Variants in RGL1 observed in about 807,000 individuals in gnomAD.
RGL1 encodes ral guanine nucleotide dissociation stimulator like 1.
In RGL1, 24 loss-of-function variants were observed where a neutral mutation model predicts 95.2. That is an observed-to-expected ratio of 0.25 (90% CI 0.18 to 0.35). The LOEUF is 0.35. Among genes scored for constraint, RGL1 ranks in the 10% least tolerant of loss-of-function variants. RGL1 has a pLI of 1.00. For synonymous variants in RGL1, 329 were observed against 344.9 expected (o/e 0.95, Z 0.51); for missense variants, 715 against 936.3 (o/e 0.76, Z 3.08).
chr1:183,908,914 T>C (rs1572589858), intron 14 of RGL1, among the ~76,000 whole-genome samples: 2 of 152,244 alleles, frequency 1.3e-5, no homozygotes, highest in East Asian at 3.8e-4. Context: ...GCCCGGGATC[T>C]ATATGTTTTG....
At chr1:183,698,247 GCGTTCTGTAACACCC>G (rs1347965987) in intron 1 of RGL1, among the ~76,000 whole-genome samples, 4 of 152,204 alleles carry the variant, frequency 2.6e-5, no homozygotes, top group Non-Finnish European at 2.9e-5. Flanking sequence ...CTCAGCCCTT[GCGTTCTGTAACACCC>G]CTTTTTCCTT....
At chr1:183,648,734 T>G in intron 1 of RGL1, 1 of 1,613,716 alleles carries the variant, frequency 6.2e-7, no homozygotes, top group Non-Finnish European at 8.5e-7. Context: ...AATATGGTTT[T>G]ACTATTGTTC....
intron 8 of RGL1, among the ~76,000 whole-genome samples, chr1:183,889,658 C>G (rs1667305506): frequency 6.6e-6 from 1 of 152,120 alleles, no homozygotes. Context: ...AGCTCATATT[C>G]TCGTTCAGGG....
At position 183,684,417 on chromosome 1, in the gene RGL1, G is replaced by A. The variant is rs142890336; in HGVS notation, c.-33+47916G>A. Among the ~76,000 whole-genome samples the A allele has an allele frequency of 1.4e-3, 207 of 152,250 alleles. 5 individuals are homozygous for A. The highest frequency in any genetic ancestry group is 0.012 in the East Asian group (62 of 5,172). On this transcript the variant is annotated intron_variant, in intron 1 of 18. Transcript: ENST00000304685. ...CTGTTTGTTAGTTTTCCTTCTAACA[G>A]GCCTCTGTGCTGCCCCTCCTTCCAC...
chr1:183,698,439 T>C (rs1045707221), intron 1 of RGL1, among the ~76,000 whole-genome samples: 1 of 152,242 alleles, frequency 6.6e-6, no homozygotes, highest in African/African-American at 2.4e-5. Context: ...TCCTATACTT[T>C]GATACAATGC....
intron 2 of RGL1, among the ~76,000 whole-genome samples, chr1:183,758,959 T>C (rs531983586): frequency 1.3e-5 from 2 of 152,250 alleles, no homozygotes. Flanking sequence ...TTAATTGGGG[T>C]CTAATTGTAA....
intron 2 of RGL1, among the ~76,000 whole-genome samples, chr1:183,744,304 G>T (rs1043214965): frequency 7.3e-6 from 1 of 136,460 alleles, no homozygotes; most frequent in African/African-American, 2.5e-5. Context: ...GGATATACTT[G>T]CACAACAGAC....
At chr1:183,842,269 G>T (rs566396817) in intron 2 of RGL1, among the ~76,000 whole-genome samples, 1 of 151,398 alleles carries the variant, frequency 6.6e-6, no homozygotes, top group East Asian at 1.9e-4. Flanking sequence ...TAATGAGGTT[G>T]TTTGCTTAAC....
intron 4 of RGL1, among the ~76,000 whole-genome samples, chr1:183,875,604 G>A (rs1337052770): frequency 6.6e-6 from 1 of 152,042 alleles, no homozygotes; most frequent in East Asian, 1.9e-4. Context: ...GGCCAGCTGC[G>A]GTGGCTCATG....
At chr1:183,731,236 A>G (rs1656612254) in intron 1 of RGL1, among the ~76,000 whole-genome samples, 1 of 152,206 alleles carries the variant, frequency 6.6e-6, no homozygotes. Flanking sequence ...CTTAAAAATA[A>G]CTAGACTTAC....
intron 15 of RGL1, among the ~76,000 whole-genome samples, chr1:183,915,890 G>A (rs1352340170): frequency 6.6e-6 from 1 of 152,224 alleles, no homozygotes; most frequent in African/African-American, 2.4e-5. Flanking sequence ...TGGAGCCCCA[G>A]TTTTCTCCCT....
chr1:183,675,989 A>G (rs1652804562), intron 1 of RGL1, among the ~76,000 whole-genome samples: 1 of 152,076 alleles, frequency 6.6e-6, no homozygotes, highest in Admixed American at 6.6e-5. Flanking sequence ...CTACAGAATA[A>G]TTTAAAAATT....
chr1:183,893,150 T>C (rs777016038), intron 9 of RGL1, among the ~76,000 whole-genome samples: 13 of 152,196 alleles, frequency 8.5e-5, no homozygotes, highest in Non-Finnish European at 1.8e-4. Flanking sequence ...GAGCACCCAC[T>C]AGGTATTGGG....
chr1:183,831,042 A>T (rs1472998245), intron 2 of RGL1, among the ~76,000 whole-genome samples: 2 of 152,220 alleles, frequency 1.3e-5, no homozygotes, highest in African/African-American at 2.4e-5. Context: ...GGTGGGCAAG[A>T]CAGTTAAGGG....
intron 1 of RGL1, among the ~76,000 whole-genome samples, chr1:183,668,935 C>CTTTTTTTTTTTTTTTT (rs551008973): frequency 8.7e-6 from 1 of 115,556 alleles, no homozygotes. Flanking sequence ...ATTGGACTTT[C>CTTTTTTTTTTTTTTTT]TTTTCTTTTT....
At chr1:183,717,010 T>C (rs944780009) in intron 1 of RGL1, among the ~76,000 whole-genome samples, 5 of 152,194 alleles carry the variant, frequency 3.3e-5, no homozygotes, top group Non-Finnish European at 7.3e-5. Flanking sequence ...ATAGTAAGCA[T>C]TGATTCATGG....
Position 183,779,176 on chromosome 1 carries a change from CTT to C in RGL1, c.133-27198_133-27197del, listed in dbSNP as rs1659756755. Reference sequence around the variant, plus strand: ...AAATTTTCCCTTCCTTCCTTCCTTCCTTCCTTCCTTCCTTCCTTCCTTCCTTC... The same window carrying C: ...AAATTTTCCCTTCCTTCCTTCCTTCCCCTTCCTTCCTTCCTTCCTTCCTTC... On this transcript the variant is annotated intron_variant, in intron 2 of 18. Coordinates refer to the RGL1 transcript ENST00000304685. Among the ~76,000 whole-genome samples, 3 of 121,874 alleles carry C rather than the reference CTT, an allele frequency of 2.5e-5. No individual in the cohort carries two copies. In the South Asian group the frequency reaches 9.0e-4, roughly 37 times the overall value. The allele number at this position is 121,874 out of a possible 152,430, so 80.0% of individuals were successfully genotyped here. A position where few individuals can be genotyped will look rare whatever the true frequency, so the allele number is the denominator to read the frequency against.
intron 2 of RGL1, among the ~76,000 whole-genome samples, chr1:183,778,209 G>A (rs1398520699): frequency 6.6e-6 from 1 of 152,158 alleles, no homozygotes; most frequent in East Asian, 1.9e-4. Flanking sequence ...ATAAGCATGG[G>A]TTAACCGCCA....
At chr1:183,780,561 C>T (rs1659847724) in intron 2 of RGL1, among the ~76,000 whole-genome samples, 1 of 152,066 alleles carries the variant, frequency 6.6e-6, no homozygotes, top group Non-Finnish European at 1.5e-5. Flanking sequence ...GGGGGAGATT[C>T]AGTGCTTTAT....
Sources: gnomAD v4.1 joint callset for allele counts (sites outside exome capture counted in the v4.1 genomes callset) on GRCh38, gnomAD v4.1.1 for gene constraint, MANE v1.5 for transcripts, NCBI Gene and HGNC (gene_info 2026-07-23, HGNC 2026-07-21) for gene names.